The following DOCK1 variants were observed in gnomAD, a reference collection of about 807,000 sequenced individuals.
The protein encoded by DOCK1 is dedicator of cytokinesis protein 1.
DOCK1 carries 138 observed loss-of-function variants against 262.7 expected under a neutral mutation model. The observed-to-expected ratio is 0.53, with a 90% CI of 0.46 to 0.61. The LOEUF (loss-of-function observed/expected upper bound fraction) is 0.61. DOCK1 is among the 20% of genes least tolerant of loss of function. The pLI is 0.00. For missense variants in DOCK1, 1,908 were observed against 2,370.7 expected (o/e 0.80, Z 4.05); for synonymous variants, 866 against 867.4 (o/e 1.00, Z 0.03).
chr10:127,343,937 C>T (rs966527152), intron 31 of DOCK1, among the ~76,000 whole-genome samples, 191 bp downstream of exon 31: 3 of 152,230 alleles, frequency 2.0e-5, no homozygotes, highest in Non-Finnish European at 4.4e-5. Context: ...TTGCAGGACT[C>T]ATCCTGGAAG....
At chr10:127,136,529 C>A (rs1399572350) in intron 27 of DOCK1, 2 of 146,640 alleles carry the variant, frequency 1.4e-5, no homozygotes, top group East Asian at 2.0e-4. Context: ...TTGTGAAAAT[C>A]AAAAAATTGA....
intron 27 of DOCK1, among the ~76,000 whole-genome samples, chr10:127,180,634 G>A (rs753814040): frequency 6.6e-6 from 1 of 152,192 alleles, no homozygotes. Context: ...ATCTCTGCAT[G>A]CTGCTTTAAA....
chr10:126,990,873 A>G (rs2039739814), intron 6 of DOCK1, among the ~76,000 whole-genome samples: 1 of 151,932 alleles, frequency 6.6e-6, no homozygotes, highest in South Asian at 2.1e-4. Flanking sequence ...TCTGGAGGGA[A>G]CCCCATCATT....
At chr10:127,302,566 A>C (rs2135439373) in intron 29 of DOCK1, among the ~76,000 whole-genome samples, 1 of 152,300 alleles carries the variant, frequency 6.6e-6, no homozygotes, top group South Asian at 2.1e-4. Flanking sequence ...GTCAGTCCAA[A>C]CCGTAGCCTA....
At chr10:127,115,969 G>T (rs1024118172) in intron 25 of DOCK1, among the ~76,000 whole-genome samples, 1 of 152,192 alleles carries the variant, frequency 6.6e-6, no homozygotes, top group African/African-American at 2.4e-5. Flanking sequence ...TTATCATTTT[G>T]TCCTCACTTA....
intron 4 of DOCK1, among the ~76,000 whole-genome samples, chr10:126,985,398 G>T (rs1337918673): frequency 6.6e-6 from 1 of 152,086 alleles, no homozygotes; most frequent in African/African-American, 2.4e-5. Flanking sequence ...TAACAAGGTG[G>T]TAACAAAGGT....
intron 1 of DOCK1, among the ~76,000 whole-genome samples, chr10:126,947,354 G>GGTA (rs1748256797): frequency 1.8e-5 from 2 of 113,822 alleles, no homozygotes. Context: ...TGATGGTGGT[G>GGTA]GTTGGTAGTA....
intron 27 of DOCK1, among the ~76,000 whole-genome samples, chr10:127,141,277 G>A (rs1023013131): frequency 6.6e-6 from 1 of 152,124 alleles, no homozygotes; most frequent in Admixed American, 6.6e-5. Flanking sequence ...GCATCTTCTC[G>A]AATGCAGGCA....
chr10:127,011,686 G>A (rs1273754306), intron 11 of DOCK1, among the ~76,000 whole-genome samples: 2 of 151,748 alleles, frequency 1.3e-5, no homozygotes, highest in East Asian at 3.9e-4. Context: ...CTCCACACAC[G>A]GTACCATTCT....
chr10:126,913,931 G>T (rs1172284520), intron 1 of DOCK1, among the ~76,000 whole-genome samples: 1 of 152,186 alleles, frequency 6.6e-6, no homozygotes, highest in Non-Finnish European at 1.5e-5. Context: ...TGTAAAACTG[G>T]TGATAACACC....
At chr10:127,447,586 C>T in intron 51 of DOCK1, 41 bp downstream of exon 51, 1 of 1,607,490 alleles carries the variant, frequency 6.2e-7, no homozygotes, top group Non-Finnish European at 8.5e-7. Context: ...ATTGCTTCGC[C>T]TCCACAAAGT....
At chr10:127,326,791 A>G (rs1315481429) in intron 29 of DOCK1, among the ~76,000 whole-genome samples, 2 of 152,232 alleles carry the variant, frequency 1.3e-5, no homozygotes, top group African/African-American at 2.4e-5. Flanking sequence ...TATAAAATAT[A>G]TTTCTTAAAT....
chr10:127,298,823 G>A (rs545763104), intron 29 of DOCK1, among the ~76,000 whole-genome samples: 63 of 152,258 alleles, frequency 4.1e-4, no homozygotes, highest in Non-Finnish European at 7.2e-4. Context: ...GCATTTTGAC[G>A]TAGGAGGATA....
At chr10:127,327,555 T>C (rs2062796340) in intron 29 of DOCK1, among the ~76,000 whole-genome samples, 1 of 152,218 alleles carries the variant, frequency 6.6e-6, no homozygotes, top group African/African-American at 2.4e-5. Flanking sequence ...GGTTGGATCT[T>C]CTATTCACAC....
At chr10:127,379,049 T>A (rs777069681) in intron 35 of DOCK1, among the ~76,000 whole-genome samples, 3 of 152,216 alleles carry the variant, frequency 2.0e-5, no homozygotes, top group Admixed American at 6.5e-5. Flanking sequence ...TCTGTAATGG[T>A]GATATTCACT....
intron 27 of DOCK1, among the ~76,000 whole-genome samples, chr10:127,155,656 C>T (rs2133557628): frequency 6.6e-6 from 1 of 152,266 alleles, no homozygotes; most frequent in South Asian, 2.1e-4. Flanking sequence ...GAATGCATTC[C>T]TCCTGCACCT....
chr10:127,377,959 C>T (rs2065607017), intron 35 of DOCK1, among the ~76,000 whole-genome samples: 1 of 151,808 alleles, frequency 6.6e-6, no homozygotes. Flanking sequence ...TCTGCTTGGC[C>T]ACCTAAGTCC....
At chr10:127,434,624 C>T (rs1013902376) in intron 48 of DOCK1, among the ~76,000 whole-genome samples, 15 of 152,052 alleles carry the variant, frequency 9.9e-5, no homozygotes, top group Non-Finnish European at 1.9e-4. Flanking sequence ...ATTCTTTCCC[C>T]CCACCCCTGA....
intron 29 of DOCK1, among the ~76,000 whole-genome samples, chr10:127,308,907 G>A (rs1314341276): frequency 2.0e-5 from 3 of 152,194 alleles, no homozygotes; most frequent in Non-Finnish European, 2.9e-5. Flanking sequence ...ACGTGTGCAT[G>A]TGTCTTTGCA....
Sources: allele counts gnomAD v4.1 joint callset (sites outside exome capture counted in the v4.1 genomes callset), GRCh38; gene constraint gnomAD v4.1.1; transcripts MANE v1.5; gene names NCBI Gene and HGNC (gene_info 2026-07-23, HGNC 2026-07-21).